Variants in VPS33A observed in about 807,000 individuals in gnomAD.
The protein encoded by VPS33A is vacuolar protein sorting-associated protein 33A.
VPS33A carries 32 observed loss-of-function variants against 71.8 expected under a neutral mutation model. That is an observed-to-expected ratio of 0.45 (90% CI 0.34 to 0.60). The LOEUF (loss-of-function observed/expected upper bound fraction) is 0.60, where lower values mean the gene tolerates loss of function less well. Ranked by LOEUF, VPS33A falls within the 20% of genes least tolerant of loss-of-function variation. The pLI, the probability that VPS33A is intolerant of heterozygous loss-of-function variation, is 0.02. For missense variants in VPS33A, 625 were observed against 748.5 expected, an observed-to-expected ratio of 0.84 and a Z score of 1.92; for synonymous variants, 311 against 292.7, an observed-to-expected ratio of 1.06 and a Z score of -0.64.
intron 6 of VPS33A, chr12:122,249,103 ATATAT>A (rs1954811244): frequency 6.6e-6 from 1 of 152,212 alleles, no homozygotes; most frequent in Non-Finnish European, 1.5e-5. Context: ...TTTTTTATAA[ATATAT>A]TATAAATATA....
At chr12:122,262,357 G>C (rs1017984793) in intron 3 of VPS33A, among the ~76,000 whole-genome samples, 1 of 152,162 alleles carries the variant, frequency 6.6e-6, no homozygotes, top group Admixed American at 6.6e-5. Context: ...GATTGAAATA[G>C]GATATCTGTG....
chr12:122,264,104 C>A (rs1955034957), intron 2 of VPS33A, 30 bp downstream of exon 2: 2 of 1,484,934 alleles, frequency 1.3e-6, no homozygotes, highest in Middle Eastern at 1.8e-4. Context: ...AATTATTAAT[C>A]CCCTAACAAA....
intron 5 of VPS33A, 31 bp from the exon 6 acceptor site, chr12:122,250,076 C>G: frequency 6.4e-7 from 1 of 1,552,632 alleles, no homozygotes; most frequent in Non-Finnish European, 8.7e-7. Context: ...GAGGTGGGGC[C>G]CCCCTGGGAA....
chr12:122,234,133 A>C (rs1954599746), intron 11 of VPS33A, among the ~76,000 whole-genome samples: 1 of 152,122 alleles, frequency 6.6e-6, no homozygotes, highest in Non-Finnish European at 1.5e-5. Context: ...GAGAATATGC[A>C]CTCTTTATGT....
chr12:122,240,098 T>G (rs895673676), intron 8 of VPS33A, among the ~76,000 whole-genome samples, 153 bp from the exon 9 acceptor site: 3 of 151,944 alleles, frequency 2.0e-5, no homozygotes, highest in African/African-American at 7.3e-5. Flanking sequence ...GGGGCCGAGG[T>G]GGGTGGATCA....
chr12:122,254,329 T>C (rs1954885879), intron 4 of VPS33A, among the ~76,000 whole-genome samples: 1 of 152,012 alleles, frequency 6.6e-6, no homozygotes, highest in African/African-American at 2.4e-5. Context: ...TCGAAGCTCT[T>C]AGCTGTGCCA....
At position 122,235,745 on chromosome 12, in the gene VPS33A, C is replaced by A. The variant is rs77955945; in HGVS notation, c.1440+41G>T. The A allele has an allele frequency of 9.6e-3, 15,146 of 1,576,274 alleles. 1,209 individuals carry two copies. In the African/African-American group the frequency reaches 0.18, roughly 19 times the overall value. On this transcript the variant is annotated intron_variant, in intron 11 of 12. Coordinates refer to ENST00000267199, the MANE Select transcript of VPS33A (RefSeq NM_022916.6). Reference sequence around the variant, plus strand: ...ATGTGTTGTCACCTGGACGATCTAACCAGTCCCTAAGCTGAGACGAGGTGG... The same window carrying A: ...ATGTGTTGTCACCTGGACGATCTAAACAGTCCCTAAGCTGAGACGAGGTGG...
In VPS33A at chr12:122,235,849, GC is replaced by G. The variant is rs1357715083; in HGVS notation, c.1376del (p.Gly459AlafsTer86). 1.2e-6 allele frequency: 2 copies of G among 1,613,706 alleles called. No homozygotes were observed. The highest frequency in any genetic ancestry group is 8.5e-7 in the Non-Finnish European group (1 of 1,179,884). ...TCCGTATAGTTGGGTAATTGTTTCT[GC>G]CCCCCGTCTGCGGTTTCAGCAGGCC... ...KAGLLKPQTG[G>X]RNNYPTIRKT... On this transcript the variant is annotated frameshift_variant, in exon 11 of 13. Transcript: ENST00000267199. LOFTEE classifies it high-confidence loss of function.
chr12:122,263,389 A>G (rs1439908689), intron 3 of VPS33A, among the ~76,000 whole-genome samples, 183 bp downstream of exon 3: 4 of 152,102 alleles, frequency 2.6e-5, no homozygotes, highest in African/African-American at 9.7e-5. Context: ...TGTTGTACCC[A>G]TTAACTATCT....
At chr12:122,251,240 A>C (rs1201493678) in intron 4 of VPS33A, 141 bp from the exon 5 acceptor site, 1 of 636,936 alleles carries the variant, frequency 1.6e-6, no homozygotes, top group Non-Finnish European at 2.7e-6. Flanking sequence ...TGGGGACTCA[A>C]GTTCATTTTC....
chr12:122,256,514 C>T (rs994249649), intron 4 of VPS33A, among the ~76,000 whole-genome samples: 5 of 151,614 alleles, frequency 3.3e-5, no homozygotes, highest in African/African-American at 1.2e-4. Flanking sequence ...GTGGAAGTTG[C>T]GGTGAGACGA....
intron 1 of VPS33A, 21 bp from the exon 2 acceptor site, chr12:122,264,220 T>A: frequency 6.6e-7 from 1 of 1,506,462 alleles, no homozygotes; most frequent in Non-Finnish European, 9.0e-7. Flanking sequence ...GGAGAAACAT[T>A]CTCTTATTAT....
chr12:122,250,717 A>C (rs1303608464), intron 5 of VPS33A, among the ~76,000 whole-genome samples: 2 of 152,150 alleles, frequency 1.3e-5, no homozygotes, highest in Non-Finnish European at 2.9e-5. Flanking sequence ...CTGAGAGCTG[A>C]AATGGGAAGG....
chr12:122,231,866 G>A lies in VPS33A; in HGVS notation c.*380C>T. 5.8e-6 allele frequency: 2 copies of A among 345,020 alleles called. No individual in the cohort carries two copies. The highest frequency in any genetic ancestry group is 4.8e-5 in the Admixed American group (1 of 20,982). The allele number at this position is 345,020 out of a possible 1,614,324, so 21.4% of individuals were successfully genotyped here. A position where few individuals can be genotyped will look rare whatever the true frequency, so the allele number is the denominator to read the frequency against. On this transcript the variant is annotated 3_prime_UTR_variant, in exon 13 of 13. Transcript: ENST00000267199. Reference sequence around the variant, plus strand: ...GAGGTCAGGAGTTTGAGACCAGCCTGGCCAACATGGTGAAACACCATGGCT... The same window carrying A: ...GAGGTCAGGAGTTTGAGACCAGCCTAGCCAACATGGTGAAACACCATGGCT...
At chr12:122,234,841 CCCTCACCCCTTA>C (rs1954608670) in intron 11 of VPS33A, among the ~76,000 whole-genome samples, 1 of 152,060 alleles carries the variant, frequency 6.6e-6, no homozygotes, top group South Asian at 2.1e-4. Flanking sequence ...AGCCAGAGGC[CCCTCACCCCTTA>C]CCTCACCAGA....
intron 4 of VPS33A, among the ~76,000 whole-genome samples, chr12:122,254,377 C>T (rs999087115): frequency 3.7e-4 from 56 of 150,044 alleles, no homozygotes; most frequent in Non-Finnish European, 6.8e-4. Flanking sequence ...CTGCCACTTC[C>T]TCTAACTCCC....
At chr12:122,234,952 G>A (rs1954609995) in intron 11 of VPS33A, among the ~76,000 whole-genome samples, 1 of 152,054 alleles carries the variant, frequency 6.6e-6, no homozygotes, top group Non-Finnish European at 1.5e-5. Context: ...GGCTGGCAAG[G>A]GCTCCCCACT....
chr12:122,240,070 G>T, intron 8 of VPS33A, 125 bp from the exon 9 acceptor site: 1 of 711,822 alleles, frequency 1.4e-6, no homozygotes, highest in Non-Finnish European at 2.4e-6. Flanking sequence ...GCTCACACCT[G>T]TAATCTCAGC....
chr12:122,251,809 G>T (rs1190150953), intron 4 of VPS33A, among the ~76,000 whole-genome samples: 1 of 151,086 alleles, frequency 6.6e-6, no homozygotes, highest in Non-Finnish European at 1.5e-5. Flanking sequence ...AGCATTAGGA[G>T]ATATACCTAA....
Sources: allele counts gnomAD v4.1 joint callset (sites outside exome capture counted in the v4.1 genomes callset), GRCh38; gene constraint gnomAD v4.1.1; transcripts MANE v1.5; gene names NCBI Gene and HGNC (gene_info 2026-07-23, HGNC 2026-07-21).